The following UBASH3B variants were observed in gnomAD, a reference collection of about 807,000 sequenced individuals.
The protein encoded by UBASH3B is ubiquitin-associated and SH3 domain-containing protein B.
UBASH3B carries 37 observed loss-of-function variants against 83.4 expected under a neutral mutation model. That is an observed-to-expected ratio of 0.44 (90% CI 0.34 to 0.58). UBASH3B has a LOEUF of 0.58. Among genes scored for constraint, UBASH3B ranks in the 20% least tolerant of loss-of-function variants. The pLI, the probability that UBASH3B is intolerant of heterozygous loss-of-function variation, is 0.01. For synonymous variants in UBASH3B, 304 were observed against 318.3 expected (o/e 0.96, Z 0.48); for missense variants, 657 against 827.2 (o/e 0.79, Z 2.52).
In UBASH3B at chr11:122,783,048, TC is replaced by T; in HGVS notation, c.602-3del. 1 of 1,609,974 alleles carries T rather than the reference TC, an allele frequency of 6.2e-7. No individual in the cohort carries two copies. The highest frequency in any genetic ancestry group is 8.5e-7 in the Non-Finnish European group (1 of 1,178,458). ...AATTACTGACCTTTTTCTTCCTTTT[TC>T]CAGAAGTGCATGTGGAACCTCATAA... is the stretch of plus-strand genomic sequence containing the variant. On this transcript the variant is annotated splice_region_variant and splice_polypyrimidine_tract_variant and intron_variant, in intron 4 of 13. Transcript: ENST00000284273.
Position 122,755,345 on chromosome 11 carries a change from T to A in UBASH3B, c.162-20874T>A, listed in dbSNP as rs535675314. On this transcript the variant is annotated intron_variant, in intron 1 of 13. Coordinates refer to ENST00000284273, the MANE Select transcript of UBASH3B (RefSeq NM_032873.5). The stretch of plus-strand genomic sequence containing the variant: ...AAGGCTCCGGTAACCCACATAGCAG[T>A]TGGCCTTTTGGCTTATAGCCTTCTG... Among the ~76,000 whole-genome samples, 10 of 152,298 alleles carry A rather than the reference T, an allele frequency of 6.6e-5. No homozygotes were observed. In the South Asian group the frequency reaches 1.9e-3, roughly 28 times the overall value.
At chr11:122,794,368 G>A (rs1861114947) in intron 6 of UBASH3B, among the ~76,000 whole-genome samples, 1 of 152,084 alleles carries the variant, frequency 6.6e-6, no homozygotes, top group South Asian at 2.1e-4. Context: ...ACCACGCCCA[G>A]CTGATTTTTT....
intron 1 of UBASH3B, among the ~76,000 whole-genome samples, chr11:122,743,913 C>T (rs965316708): frequency 3.3e-5 from 5 of 152,166 alleles, no homozygotes; most frequent in Non-Finnish European, 4.4e-5. Flanking sequence ...TCACAGAAAA[C>T]CCCTGGCGAG....
chr11:122,766,881 C>T lies in UBASH3B; in HGVS notation c.162-9338C>T, dbSNP rs1222016749. On this transcript the variant is annotated intron_variant, in intron 1 of 13. Coordinates refer to ENST00000284273, the MANE Select transcript of UBASH3B (RefSeq NM_032873.5). ...CTGGACTCAGTTGTGCTTCTACTCT[C>T]CCACCACCCACCCATGTCTCCAGCC... Among the ~76,000 whole-genome samples the T allele has an allele frequency of 4.6e-5, 7 of 152,402 alleles. No individual in the cohort carries two copies. In the East Asian group the frequency reaches 9.6e-4, roughly 21 times the overall value.
intron 1 of UBASH3B, among the ~76,000 whole-genome samples, chr11:122,771,673 G>A (rs1225969758): frequency 6.7e-6 from 1 of 149,626 alleles, no homozygotes; most frequent in East Asian, 1.9e-4. Context: ...AATACCAACA[G>A]TTCTGTTTAT....
intron 1 of UBASH3B, among the ~76,000 whole-genome samples, chr11:122,760,538 T>C (rs1251760842): frequency 3.3e-5 from 5 of 152,110 alleles, no homozygotes; most frequent in Middle Eastern, 3.2e-3. Context: ...TTTTTTTGTA[T>C]TTTTAGTAGA....
intron 1 of UBASH3B, among the ~76,000 whole-genome samples, chr11:122,706,393 A>T (rs1162558969): frequency 1.3e-5 from 2 of 152,200 alleles, no homozygotes; most frequent in Non-Finnish European, 2.9e-5. Flanking sequence ...AAGCTCTGAA[A>T]GGCACTCAAA....
intron 1 of UBASH3B, among the ~76,000 whole-genome samples, chr11:122,722,980 C>T (rs1253016353): frequency 2.0e-5 from 3 of 152,192 alleles, no homozygotes; most frequent in Non-Finnish European, 2.9e-5. Context: ...GCTGGGATTA[C>T]AGGCGTGAGC....
Position 122,788,958 on chromosome 11 carries a change from A to G in UBASH3B, c.772-142A>G, listed in dbSNP as rs77107625. The G allele has an allele frequency of 1.1e-3, 781 of 695,730 alleles. 3 individuals are homozygous for G. In the African/African-American group the frequency reaches 0.013, roughly 11 times the overall value. The allele number at this position is 695,730 out of a possible 1,614,324, so 43.1% of individuals were successfully genotyped here. ...CTCTGATAGGAATTCACATCTACTCAGGGCCTGCAGACCCCAAGGGCTCCT... is the reference window on the plus strand; with the variant it reads ...CTCTGATAGGAATTCACATCTACTCGGGGCCTGCAGACCCCAAGGGCTCCT... On this transcript the variant is annotated intron_variant, in intron 5 of 13. Transcript: ENST00000284273.
intron 1 of UBASH3B, among the ~76,000 whole-genome samples, chr11:122,744,644 C>A (rs111506384): frequency 1.3e-5 from 2 of 151,650 alleles, no homozygotes; most frequent in Non-Finnish European, 2.9e-5. Flanking sequence ...TGTGTGACAA[C>A]GCAAGTGTAT....
intron 1 of UBASH3B, among the ~76,000 whole-genome samples, chr11:122,703,530 T>C (rs1443509036): frequency 6.6e-6 from 1 of 152,088 alleles, no homozygotes; most frequent in Admixed American, 6.6e-5. Context: ...TGGGGGAAAA[T>C]GCCTGCAAGT....
At chr11:122,732,275 G>A (rs755796078) in intron 1 of UBASH3B, among the ~76,000 whole-genome samples, 5 of 152,160 alleles carry the variant, frequency 3.3e-5, no homozygotes, top group African/African-American at 4.8e-5. Context: ...GACCAAGGCC[G>A]GCTGGCTGCT....
chr11:122,719,871 G>T (rs924891919), intron 1 of UBASH3B, among the ~76,000 whole-genome samples: 1 of 152,158 alleles, frequency 6.6e-6, no homozygotes, highest in Non-Finnish European at 1.5e-5. Context: ...GGATGCAGGC[G>T]ATCAGTCCTC....
At chr11:122,778,089 T>C (rs1470252510) in intron 3 of UBASH3B, among the ~76,000 whole-genome samples, 1 of 152,206 alleles carries the variant, frequency 6.6e-6, no homozygotes, top group Non-Finnish European at 1.5e-5. Context: ...TTGTCTACTT[T>C]AGCTCTCTGT....
chr11:122,678,375 G>T (rs906721927), intron 1 of UBASH3B, among the ~76,000 whole-genome samples: 10 of 152,126 alleles, frequency 6.6e-5, no homozygotes, highest in African/African-American at 2.4e-4. Flanking sequence ...TTCCATTGTG[G>T]CTGCACTCAG....
rs529189162 is a variant in UBASH3B at position 122,695,343 on chromosome 11, T to C, written c.161+39133T>C. ...GTCATCACTCAGTTGCATGGATGCC[T>C]GGAAGGAGCTTGAAGCTCTGGCATG... On this transcript the variant is annotated intron_variant, in intron 1 of 13. Transcript: ENST00000284273. Among the ~76,000 whole-genome samples, 8 of 152,304 alleles carry C rather than the reference T, an allele frequency of 5.3e-5. No homozygotes were observed. The South Asian group carries it at 1.7e-3, about 32-fold the overall frequency.
At chr11:122,777,897 T>C (rs896061895) in intron 3 of UBASH3B, among the ~76,000 whole-genome samples, 1 of 152,070 alleles carries the variant, frequency 6.6e-6, no homozygotes, top group Non-Finnish European at 1.5e-5. Context: ...GCCCGGCTAA[T>C]TTTTGTATTT....
rs377230849 is a variant in UBASH3B at position 122,796,318 on chromosome 11, G to T, written c.1234+42G>T. On this transcript the variant is annotated intron_variant, in intron 8 of 13. Coordinates refer to ENST00000284273, the MANE Select transcript of UBASH3B (RefSeq NM_032873.5). Reference sequence around the variant, plus strand: ...CCTGCTCAGCACTGCCATACCCATAGTGGCCTCTAGGCGGCACAGTCAAGC... The same window carrying T: ...CCTGCTCAGCACTGCCATACCCATATTGGCCTCTAGGCGGCACAGTCAAGC... The T allele has an allele frequency of 7.5e-6, 12 of 1,606,612 alleles. No homozygotes were observed. In the African/African-American group the frequency reaches 1.3e-4, roughly 18 times the overall value.
chr11:122,809,224 G>A (rs1245857470), intron 13 of UBASH3B, among the ~76,000 whole-genome samples: 1 of 152,068 alleles, frequency 6.6e-6, no homozygotes, highest in Non-Finnish European at 1.5e-5. Context: ...ACAGGCACAT[G>A]CCACCACGCC....
Sources: gnomAD v4.1 joint callset for allele counts (sites outside exome capture counted in the v4.1 genomes callset) on GRCh38, gnomAD v4.1.1 for gene constraint, MANE v1.5 for transcripts, NCBI Gene and HGNC (gene_info 2026-07-23, HGNC 2026-07-21) for gene names.